Variants in STX8 observed in about 807,000 individuals in gnomAD.
STX8 encodes syntaxin 8, also known as syntaxin-8.
In STX8, 23 loss-of-function variants were observed where a neutral mutation model predicts 37.5. That is an observed-to-expected ratio of 0.61 (90% CI 0.44 to 0.87). STX8 has a LOEUF of 0.87. Ranked by LOEUF, STX8 falls within the 40% of genes least tolerant of loss-of-function variation. The pLI is 0.00. For missense variants in STX8, 313 were observed against 284.7 expected (o/e 1.10, Z -0.71); for synonymous variants, 115 against 99.1 (o/e 1.16, Z -0.95).
chr17:9,402,280 T>C (rs1463061240), intron 6 of STX8, among the ~76,000 whole-genome samples: 1 of 152,044 alleles, frequency 6.6e-6, no homozygotes, highest in Non-Finnish European at 1.5e-5. Context: ...CCACCATGTC[T>C]GGCAAATTTT....
At chr17:9,539,664 C>A (rs1458468712) in intron 4 of STX8, among the ~76,000 whole-genome samples, 1 of 77,158 alleles carries the variant, frequency 1.3e-5, no homozygotes, top group African/African-American at 6.9e-5. Flanking sequence ...ACCCAACTGA[C>A]CCCCCCCACC....
At chr17:9,413,375 C>A (rs910003505) in intron 6 of STX8, among the ~76,000 whole-genome samples, 12 of 152,196 alleles carry the variant, frequency 7.9e-5, no homozygotes, top group Non-Finnish European at 1.2e-4. Flanking sequence ...GAGAGGCCAA[C>A]AACCTAGGCT....
intron 2 of STX8, among the ~76,000 whole-genome samples, chr17:9,565,426 G>A (rs1181133552): frequency 6.6e-6 from 1 of 151,968 alleles, no homozygotes; most frequent in Non-Finnish European, 1.5e-5. Flanking sequence ...GACCAGCCTG[G>A]CCAACATGGC....
chr17:9,427,451 A>G (rs74387124), intron 6 of STX8, among the ~76,000 whole-genome samples: 1 of 152,198 alleles, frequency 6.6e-6, no homozygotes, highest in Non-Finnish European at 1.5e-5. Flanking sequence ...TGATATATAC[A>G]TTCCTGAAAA....
chr17:9,263,192 G>A (rs1250910131), intron 7 of STX8, among the ~76,000 whole-genome samples: 1 of 150,146 alleles, frequency 6.7e-6, no homozygotes, highest in Non-Finnish European at 1.5e-5. Context: ...AGCAAAAAGG[G>A]ACGGGTGCGT....
chr17:9,574,541 T>C (rs568657512), intron 1 of STX8, among the ~76,000 whole-genome samples: 2 of 63,228 alleles, frequency 3.2e-5, no homozygotes, highest in Non-Finnish European at 7.9e-5. Flanking sequence ...TGGGGTTTTT[T>C]ATTTTTTTTT....
At chr17:9,365,306 G>A (rs1394204659) in intron 7 of STX8, among the ~76,000 whole-genome samples, 1 of 152,236 alleles carries the variant, frequency 6.6e-6, no homozygotes, top group Non-Finnish European at 1.5e-5. Context: ...AAAATCTGCC[G>A]TTGACGGCTC....
At chr17:9,438,156 T>C (rs1025877552) in intron 6 of STX8, among the ~76,000 whole-genome samples, 1 of 150,302 alleles carries the variant, frequency 6.7e-6, no homozygotes, top group African/African-American at 2.5e-5. Context: ...GGCAGAAGAA[T>C]TGCTTGAACC....
At chr17:9,352,890 AT>A (rs1159782187) in intron 7 of STX8, among the ~76,000 whole-genome samples, 10 of 143,342 alleles carry the variant, frequency 7.0e-5, no homozygotes, top group East Asian at 6.1e-4. Context: ...AATTGCCTCC[AT>A]TTTTTTTTTC....
intron 7 of STX8, among the ~76,000 whole-genome samples, chr17:9,364,270 A>G (rs1024401411): frequency 2.0e-5 from 3 of 152,180 alleles, no homozygotes; most frequent in African/African-American, 7.2e-5. Flanking sequence ...AAAGTGCCAC[A>G]GTATTCTCTT....
In STX8 at chr17:9,269,378, G is replaced by T. The variant is rs1907366324; in HGVS notation, c.644-18733C>A. On this transcript the variant is annotated intron_variant, in intron 7 of 7. Transcript: ENST00000306357. Reference sequence around the variant, plus strand: ...AACAGACCCTCAAGACACCGTCCTGGAAAGAGGCAGATTGATGGCCACAGC... The same window carrying T: ...AACAGACCCTCAAGACACCGTCCTGTAAAGAGGCAGATTGATGGCCACAGC... Among the ~76,000 whole-genome samples, 3 of 152,246 alleles carry T rather than the reference G, an allele frequency of 2.0e-5. No homozygotes were observed. In the South Asian group the frequency reaches 6.2e-4, roughly 32 times the overall value.
At chr17:9,275,095 A>T (rs1302789800) in intron 7 of STX8, among the ~76,000 whole-genome samples, 2 of 152,010 alleles carry the variant, frequency 1.3e-5, no homozygotes, top group Non-Finnish European at 2.9e-5. Context: ...AACCAACAAA[A>T]TCATCATTAC....
At chr17:9,380,625 G>GTACTACACTATGGT (rs1911766673) in intron 6 of STX8, among the ~76,000 whole-genome samples, 1 of 150,944 alleles carries the variant, frequency 6.6e-6, no homozygotes, top group Non-Finnish European at 1.5e-5. Flanking sequence ...CCACATCTAC[G>GTACTACACTATGGT]ACAGTAGTAC....
intron 6 of STX8, among the ~76,000 whole-genome samples, chr17:9,388,634 T>A (rs1912099890): frequency 6.6e-6 from 1 of 151,538 alleles, no homozygotes; most frequent in African/African-American, 2.4e-5. Context: ...AGAAATGCCA[T>A]CTGTACTAAA....
chr17:9,528,988 T>C (rs565111756), intron 4 of STX8, among the ~76,000 whole-genome samples: 1 of 152,050 alleles, frequency 6.6e-6, no homozygotes, highest in South Asian at 2.1e-4. Context: ...TACAGAGTCA[T>C]TACGGGGGAA....
Position 9,562,024 on chromosome 17 carries a change from T to C in STX8, c.118-4496A>G, listed in dbSNP as rs544135579. 1.3e-3 allele frequency among the ~76,000 whole-genome samples: 193 copies of C among 152,164 alleles called. 2 individuals are homozygous for C. Among genetic ancestry groups the C allele is most frequent in the Non-Finnish European group, 1.3e-3 (86 of 67,998 alleles). On this transcript the variant is annotated intron_variant, in intron 2 of 7. Transcript: ENST00000306357. ...TTTAATAGAAGAAAGCAGGAATAAATTTTTTATAACCTGCAAACAGCAAAA... is the reference window on the plus strand; with the variant it reads ...TTTAATAGAAGAAAGCAGGAATAAACTTTTTATAACCTGCAAACAGCAAAA...
intron 7 of STX8, among the ~76,000 whole-genome samples, chr17:9,353,451 T>A (rs1422174677): frequency 1.3e-5 from 2 of 152,224 alleles, no homozygotes; most frequent in African/African-American, 4.8e-5. Context: ...TTTCAGTGGT[T>A]AAAGTGGGCA....
intron 6 of STX8, among the ~76,000 whole-genome samples, chr17:9,414,108 A>ACCCACCTACCCATTTGTCCGTCCG (rs1319192546): frequency 1.8e-4 from 1 of 5,710 alleles, no homozygotes; most frequent in Non-Finnish European, 3.1e-4. Context: ...CCATCCATCC[A>ACCCACCTACCCATTTGTCCGTCCG]TCCATCCATC....
chr17:9,277,724 A>C (rs1907725075), intron 7 of STX8, among the ~76,000 whole-genome samples: 1 of 152,138 alleles, frequency 6.6e-6, no homozygotes, highest in Non-Finnish European at 1.5e-5. Flanking sequence ...TGATCTGTTG[A>C]GATCTAAAAG....
Sources: gnomAD v4.1 joint callset for allele counts (sites outside exome capture counted in the v4.1 genomes callset) on GRCh38, gnomAD v4.1.1 for gene constraint, MANE v1.5 for transcripts, NCBI Gene and HGNC (gene_info 2026-07-23, HGNC 2026-07-21) for gene names.